The following HPSE2 variants were observed in gnomAD, a reference collection of about 807,000 sequenced individuals.
HPSE2 encodes inactive heparanase-2.
Under a neutral mutation model 60.5 loss-of-function variants are expected in HPSE2, and 38 were observed. That is an observed-to-expected ratio of 0.63 (90% CI 0.48 to 0.82). The LOEUF is 0.82. Ranked by LOEUF, HPSE2 falls within the 40% of genes least tolerant of loss-of-function variation. The probability of loss-of-function intolerance (pLI) is 0.00; values close to 1 mark genes in which losing one functional copy is unlikely to be tolerated. For synonymous variants in HPSE2, 295 were observed against 293.2 expected, an observed-to-expected ratio of 1.01 and a Z score of -0.06; for missense variants, 713 against 740.4, an observed-to-expected ratio of 0.96 and a Z score of 0.43.
intron 2 of HPSE2, among the ~76,000 whole-genome samples, chr10:99,173,039 T>C (rs1239924724): frequency 2.1e-5 from 2 of 95,238 alleles, no homozygotes; most frequent in African/African-American, 5.4e-5. Context: ...AATACCCCCT[T>C]TTCCACTTGC....
intron 2 of HPSE2, among the ~76,000 whole-genome samples, chr10:99,153,354 C>G (rs1333763280): frequency 6.6e-6 from 1 of 152,212 alleles, no homozygotes. Context: ...ATGTCCCTGT[C>G]TGACAGCTTT....
At chr10:99,111,684 A>G (rs1197701111) in intron 3 of HPSE2, among the ~76,000 whole-genome samples, 1 of 152,236 alleles carries the variant, frequency 6.6e-6, no homozygotes, top group African/African-American at 2.4e-5. Flanking sequence ...AGCATCAGAT[A>G]CTACCAACAA....
intron 4 of HPSE2, among the ~76,000 whole-genome samples, chr10:98,737,939 T>C (rs970972322): frequency 6.6e-6 from 1 of 152,218 alleles, no homozygotes; most frequent in Admixed American, 6.5e-5. Context: ...CTCATCAAGC[T>C]ACCATTGACT....
chr10:98,609,824 G>GTTCTTCTTC (rs1260928934), intron 9 of HPSE2, among the ~76,000 whole-genome samples: 2 of 142,280 alleles, frequency 1.4e-5, no homozygotes, highest in African/African-American at 5.4e-5. Context: ...ATTAGGTGGT[G>GTTCTTCTTC]TTCTTCTTCT....
At chr10:98,703,590 T>A (rs1274361019) in intron 5 of HPSE2, among the ~76,000 whole-genome samples, 2 of 152,160 alleles carry the variant, frequency 1.3e-5, no homozygotes, top group Admixed American at 1.3e-4. Flanking sequence ...GTCGGCTTCA[T>A]CCCTGGGATG....
chr10:99,280,268 T>C, the HPSE2 span, among the ~76,000 whole-genome samples: 1 of 152,128 alleles, frequency 6.6e-6, no homozygotes, highest in East Asian at 1.9e-4. Context: ...ATGAACCTGA[T>C]CATGTAAAGA....
chr10:98,504,913 C>A (rs1460140405), intron 9 of HPSE2, among the ~76,000 whole-genome samples: 3 of 151,988 alleles, frequency 2.0e-5, no homozygotes, highest in Non-Finnish European at 2.9e-5. Flanking sequence ...TACTCATAAG[C>A]AATATATTAT....
At chr10:99,026,318 G>T (rs894346695) in intron 3 of HPSE2, among the ~76,000 whole-genome samples, 1 of 151,980 alleles carries the variant, frequency 6.6e-6, no homozygotes, top group Non-Finnish European at 1.5e-5. Context: ...TAAAAAGCAG[G>T]AGTCACTATA....
chr10:98,743,439 C>A (rs1213887891), intron 4 of HPSE2, among the ~76,000 whole-genome samples: 1 of 152,166 alleles, frequency 6.6e-6, no homozygotes, highest in Non-Finnish European at 1.5e-5. Flanking sequence ...GCACTGTGAA[C>A]CTTCAGGAGG....
At chr10:98,722,728 T>C (rs1056502298) in intron 4 of HPSE2, among the ~76,000 whole-genome samples, 1 of 152,156 alleles carries the variant, frequency 6.6e-6, no homozygotes, top group South Asian at 2.1e-4. Context: ...GCTCCACAGC[T>C]GGAGGAGGCT....
chr10:98,813,542 A>C (rs1169248124), intron 3 of HPSE2, among the ~76,000 whole-genome samples: 3 of 152,192 alleles, frequency 2.0e-5, no homozygotes, highest in Non-Finnish European at 4.4e-5. Flanking sequence ...CAAAGGTCAG[A>C]TAGAACCAGA....
rs182137099 is a variant in HPSE2 at position 98,865,804 on chromosome 10, A to G, written c.611-121748T>C. ...AAAAAATCATAATTCATAGGGCATTAGACGGAGTACTCAGAGAGGTCTTGC... is the reference window on the plus strand; with the variant it reads ...AAAAAATCATAATTCATAGGGCATTGGACGGAGTACTCAGAGAGGTCTTGC... On this transcript the variant is annotated intron_variant, in intron 3 of 11. Transcript: ENST00000370552. Among the ~76,000 whole-genome samples the G allele has an allele frequency of 3.2e-4, 49 of 152,232 alleles. No individual in the cohort carries two copies. The East Asian group carries it at 6.0e-3, about 19-fold the overall frequency.
At chr10:98,700,497 G>A (rs1368280421) in intron 5 of HPSE2, among the ~76,000 whole-genome samples, 1 of 144,220 alleles carries the variant, frequency 6.9e-6, no homozygotes, top group Non-Finnish European at 1.5e-5. Context: ...ATTAATTCAA[G>A]ATGGATTAAA....
intron 3 of HPSE2, among the ~76,000 whole-genome samples, chr10:98,988,231 C>T (rs1198275224): frequency 6.6e-6 from 1 of 152,272 alleles, no homozygotes; most frequent in Admixed American, 6.5e-5. Context: ...ATCATGCTAC[C>T]TGACTTCAAA....
At chr10:99,163,204 C>A (rs1246847596) in intron 2 of HPSE2, among the ~76,000 whole-genome samples, 12 of 70,046 alleles carry the variant, frequency 1.7e-4, no homozygotes, top group Non-Finnish European at 2.3e-4. Context: ...GGGCAAGACT[C>A]CATCTCAAAA....
chr10:98,980,341 T>G (rs1241239075), intron 3 of HPSE2, among the ~76,000 whole-genome samples: 4 of 152,182 alleles, frequency 2.6e-5, no homozygotes, highest in African/African-American at 7.2e-5. Flanking sequence ...GGAATATTGG[T>G]GTTAAAGGAA....
intron 9 of HPSE2, among the ~76,000 whole-genome samples, chr10:98,570,627 G>T (rs1381447619): frequency 1.3e-5 from 2 of 152,066 alleles, no homozygotes; most frequent in Non-Finnish European, 2.9e-5. Context: ...TGCTTTGTCT[G>T]CTCAGACCCC....
chr10:98,908,835 CT>C (rs907468820), intron 3 of HPSE2, among the ~76,000 whole-genome samples: 68 of 152,046 alleles, frequency 4.5e-4, no homozygotes, highest in African/African-American at 1.6e-3. Flanking sequence ...GGGTAATATG[CT>C]TAAAAAACAA....
intron 4 of HPSE2, among the ~76,000 whole-genome samples, chr10:98,729,467 G>A (rs1487978963): frequency 6.6e-6 from 1 of 151,944 alleles, no homozygotes; most frequent in African/African-American, 2.4e-5. Flanking sequence ...AAATTAGCCG[G>A]GCGTGGTGGC....
Sources: allele counts gnomAD v4.1 joint callset (sites outside exome capture counted in the v4.1 genomes callset), GRCh38; gene constraint gnomAD v4.1.1; transcripts MANE v1.5; gene names NCBI Gene and HGNC (gene_info 2026-07-23, HGNC 2026-07-21).